The following NCOA2 variants were observed in gnomAD, a reference collection of about 807,000 sequenced individuals.
NCOA2 encodes the protein nuclear receptor coactivator 2, also known as class E basic helix-loop-helix protein 75.
Under a neutral mutation model 145.1 loss-of-function variants are expected in NCOA2, and 21 were observed. The ratio of observed to expected loss-of-function variants is 0.14; its 90% CI spans 0.10 to 0.21. The LOEUF (loss-of-function observed/expected upper bound fraction) is 0.21, where lower values mean the gene tolerates loss of function less well. Ranked by LOEUF, NCOA2 falls within the 10% of genes least tolerant of loss-of-function variation. The probability of loss-of-function intolerance (pLI) is 1.00; values close to 1 mark genes in which losing one functional copy is unlikely to be tolerated. For synonymous variants in NCOA2, 619 were observed against 637.5 expected (o/e 0.97, Z 0.44); for missense variants, 1,472 against 1,837.6 (o/e 0.80, Z 3.64).
At chr8:70,442,137 A>AGAAAGAAAGAAAGAAAGAAAGAAAGAAAG in the NCOA2 span, among the ~76,000 whole-genome samples, 1 of 52,278 alleles carries the variant, frequency 1.9e-5, no homozygotes, top group Non-Finnish European at 4.7e-5. Context: ...GAAAGAAAGA[A>AGAAAGAAAGAAAGAAAGAAAGAAAGAAAG]AGAAAGAAAG....
rs917886105 is a variant in NCOA2, at chr8:70,329,100, G to T, written c.-76-32300C>A. ...CATCTAAGGAGCTAGGACCACAGAT[G>T]CACACCACCATGCCTGGCTACTGTT... On this transcript the variant is annotated intron_variant, in intron 1 of 22. Transcript: ENST00000452400. 7.9e-5 allele frequency among the ~76,000 whole-genome samples: 12 copies of T among 152,000 alleles called. No individual in the cohort carries two copies. In the East Asian group the frequency reaches 2.3e-3, roughly 29 times the overall value.
At chr8:70,140,517 C>T (rs1042013480) in intron 14 of NCOA2, among the ~76,000 whole-genome samples, 2 of 150,982 alleles carry the variant, frequency 1.3e-5, no homozygotes, top group Admixed American at 1.3e-4. Context: ...GGTGGTGGCC[C>T]AGGAATCTGC....
chr8:70,238,150 A>G (rs891617129), intron 2 of NCOA2, among the ~76,000 whole-genome samples: 5 of 151,762 alleles, frequency 3.3e-5, no homozygotes, highest in Non-Finnish European at 7.4e-5. Flanking sequence ...GCATGTGCAC[A>G]CGCGCGCGCG....
chr8:70,283,768 A>G (rs922419358), intron 2 of NCOA2, among the ~76,000 whole-genome samples: 8 of 152,262 alleles, frequency 5.3e-5, no homozygotes, highest in African/African-American at 1.7e-4. Context: ...ATTTTGGAAT[A>G]TTTGCATTGC....
At chr8:70,404,216 C>G (rs994206547), upstream of NCOA2, among the ~76,000 whole-genome samples, 2 of 152,296 alleles carry the variant, frequency 1.3e-5, no homozygotes, top group Middle Eastern at 6.8e-3. Flanking sequence ...CTAGAGGTGA[C>G]TGGAACTGAA....
intron 10 of NCOA2, among the ~76,000 whole-genome samples, chr8:70,158,046 A>AAATGTGTT (rs1372003744): frequency 6.6e-6 from 1 of 152,262 alleles, no homozygotes; most frequent in Non-Finnish European, 1.5e-5. Context: ...TTGAGTTACC[A>AAATGTGTT]AATGTGTTCA....
chr8:70,169,579 A>G (rs1813997277), intron 6 of NCOA2, among the ~76,000 whole-genome samples: 1 of 152,192 alleles, frequency 6.6e-6, no homozygotes. Flanking sequence ...GTTGGCTAGC[A>G]TGGAACAGGG....
intron 1 of NCOA2, among the ~76,000 whole-genome samples, chr8:70,336,478 A>G (rs1400347949): frequency 2.0e-5 from 3 of 152,292 alleles, no homozygotes; most frequent in East Asian, 1.9e-4. Context: ...GAAGTATCTT[A>G]ATTTATAAAG....
intron 5 of NCOA2, among the ~76,000 whole-genome samples, chr8:70,173,144 TC>T (rs1709670973): frequency 6.6e-6 from 1 of 152,224 alleles, no homozygotes; most frequent in African/African-American, 2.4e-5. Flanking sequence ...AGAAGACTAT[TC>T]TGAATGACAA....
chr8:70,246,754 T>C (rs1010017000), intron 2 of NCOA2, among the ~76,000 whole-genome samples: 1 of 152,120 alleles, frequency 6.6e-6, no homozygotes, highest in African/African-American at 2.4e-5. Context: ...ACCACTCTAC[T>C]TTCTGTTTCT....
At chr8:70,122,902 T>A (rs1331825562) in intron 21 of NCOA2, among the ~76,000 whole-genome samples, 1 of 152,236 alleles carries the variant, frequency 6.6e-6, no homozygotes, top group East Asian at 1.9e-4. Context: ...ACACTTTCCA[T>A]ACTGCACTTT....
chr8:70,405,437 G>GTTTTTTTTTTTTTTTT (rs34814735), upstream of NCOA2, among the ~76,000 whole-genome samples: 7 of 59,364 alleles, frequency 1.2e-4, no homozygotes, highest in African/African-American at 4.5e-4. Flanking sequence ...ATTTTTAAAG[G>GTTTTTTTTTTTTTTTT]TTTTTTTTTT....
At chr8:70,333,819 T>G (rs1807314158) in intron 1 of NCOA2, among the ~76,000 whole-genome samples, 1 of 152,164 alleles carries the variant, frequency 6.6e-6, no homozygotes. Flanking sequence ...ACATACCTAT[T>G]CTCTAAGAGT....
At chr8:70,311,506 A>G (rs1357732867) in intron 1 of NCOA2, among the ~76,000 whole-genome samples, 2 of 152,264 alleles carry the variant, frequency 1.3e-5, no homozygotes, top group African/African-American at 4.8e-5. Flanking sequence ...AAAACACAGT[A>G]TAAAAGTCGT....
At chr8:70,148,892 TAAC>T (rs1214257879) in intron 11 of NCOA2, among the ~76,000 whole-genome samples, 2 of 152,018 alleles carry the variant, frequency 1.3e-5, no homozygotes, top group South Asian at 2.1e-4. Context: ...CCCTAAGAAA[TAAC>T]AACAACAAAA....
the NCOA2 span, among the ~76,000 whole-genome samples, chr8:70,443,028 T>G: frequency 1.3e-5 from 2 of 152,142 alleles, no homozygotes; most frequent in Admixed American, 1.3e-4. Context: ...ACATAGTAAA[T>G]GTAAAACTTT....
chr8:70,129,969 C>A (rs761269143), intron 16 of NCOA2, among the ~76,000 whole-genome samples: 1 of 152,206 alleles, frequency 6.6e-6, no homozygotes, highest in Non-Finnish European at 1.5e-5. Context: ...CACGCCCAGC[C>A]TCAAGTTTTC....
chr8:70,377,081 C>T (rs1364179385), intron 1 of NCOA2, among the ~76,000 whole-genome samples: 3 of 150,188 alleles, frequency 2.0e-5, no homozygotes, highest in Admixed American at 1.3e-4. Flanking sequence ...TTTTTCTATA[C>T]ACTAAGACTA....
chr8:70,121,363 T>C lies in NCOA2; in HGVS notation c.4322A>G (p.Asn1441Ser), dbSNP rs545859300. Residue 1441 changes from asparagine to serine, a missense_variant, in exon 22 of 23, where the codon AAC (asparagine) becomes AGC (serine). Physicochemically the swap from Asn to Ser is conservative, Grantham distance 46. Transcript: ENST00000452400. The part of the protein sequence containing the change: ...QVNDPALRGG[N>S]LFPNQLPGMD... The stretch of plus-strand genomic sequence containing the variant: ...TCCAGGCAGCTGGTTTGGGAACAGG[T>C]TGCCTCCCCTCAGAGCAGGATCATT... The C allele has an allele frequency of 6.8e-6, 11 of 1,612,670 alleles. No individual in the cohort carries two copies. Among genetic ancestry groups the C allele is most frequent in the South Asian group, 5.5e-5 (5 of 90,634 alleles).
Sources: gnomAD v4.1 joint callset for allele counts (sites outside exome capture counted in the v4.1 genomes callset) on GRCh38, gnomAD v4.1.1 for gene constraint, MANE v1.5 for transcripts, NCBI Gene and HGNC (gene_info 2026-07-23, HGNC 2026-07-21) for gene names.